Variants in TBC1D9 observed in about 807,000 individuals in gnomAD.
TBC1D9 encodes the protein TBC1 domain family member 9A.
In TBC1D9, 63 loss-of-function variants were observed where a neutral mutation model predicts 132.0. That is an observed-to-expected ratio of 0.48 (90% confidence interval 0.39 to 0.59). The LOEUF (loss-of-function observed/expected upper bound fraction) is 0.59, where lower values mean the gene tolerates loss of function less well. TBC1D9 is among the 20% of genes least tolerant of loss of function. The pLI, the probability that TBC1D9 is intolerant of heterozygous loss-of-function variation, is 0.00. For missense variants in TBC1D9, 1,261 were observed against 1,592.7 expected (o/e 0.79, Z 3.54); for synonymous variants, 610 against 609.9 (o/e 1.00, Z 0.00).
intron 1 of TBC1D9, among the ~76,000 whole-genome samples, chr4:140,746,246 A>C (rs1312343100): frequency 6.6e-6 from 1 of 152,198 alleles, no homozygotes; most frequent in African/African-American, 2.4e-5. Flanking sequence ...TTTCTGAGAG[A>C]ACAGCTTACT....
chr4:140,668,689 CG>C (rs1387832821), intron 9 of TBC1D9, among the ~76,000 whole-genome samples: 3 of 152,170 alleles, frequency 2.0e-5, no homozygotes, highest in Non-Finnish European at 4.4e-5. Flanking sequence ...TATAAAGACT[CG>C]AAGGATGGTG....
intron 13 of TBC1D9, chr4:140,645,417 G>T: frequency 2.2e-6 from 1 of 449,190 alleles, no homozygotes; most frequent in African/African-American, 2.0e-5. Context: ...GCATCCAAAT[G>T]CCTTGGCACT....
At chr4:140,643,530 G>T (rs1359239273) in intron 13 of TBC1D9, 15 of 873,114 alleles carry the variant, frequency 1.7e-5, no homozygotes, top group Non-Finnish European at 2.6e-5. Context: ...TCCCTCCCCG[G>T]CGGGCACGTC....
At chr4:140,704,831 G>GC (rs1738126573) in intron 1 of TBC1D9, among the ~76,000 whole-genome samples, 1 of 152,150 alleles carries the variant, frequency 6.6e-6, no homozygotes, top group Admixed American at 6.6e-5. Context: ...TTAAAGCAGA[G>GC]CCCCCTGGAG....
intron 1 of TBC1D9, among the ~76,000 whole-genome samples, chr4:140,718,447 A>C (rs953916508): frequency 6.6e-6 from 1 of 152,094 alleles, no homozygotes; most frequent in Non-Finnish European, 1.5e-5. Flanking sequence ...GAGCTACCCT[A>C]TATAATCCTC....
At chr4:140,655,096 T>A (rs1737244967) in intron 13 of TBC1D9, among the ~76,000 whole-genome samples, 1 of 152,126 alleles carries the variant, frequency 6.6e-6, no homozygotes, top group African/African-American at 2.4e-5. Flanking sequence ...AGAGCAAGTA[T>A]TTAGAAGGAC....
rs980861493 is a variant in TBC1D9, at chr4:140,627,610, A to T, written c.2813-83T>A. Reference sequence around the variant, plus strand: ...ATGCTTAATTATTAAATAAAATGACATAAGTGGGGATGAAAAGCTAAAGTT... The same window carrying T: ...ATGCTTAATTATTAAATAAAATGACTTAAGTGGGGATGAAAAGCTAAAGTT... On this transcript the variant is annotated intron_variant, in intron 17 of 20. Coordinates refer to ENST00000442267, the MANE Select transcript of TBC1D9 (RefSeq NM_015130.3). The T allele has an allele frequency of 1.1e-5, 10 of 910,328 alleles. No individual in the cohort carries two copies. The East Asian group carries it at 2.1e-4, about 19-fold the overall frequency. The allele number at this position is 910,328 out of a possible 1,614,324, so 56.4% of individuals were successfully genotyped here.
intron 1 of TBC1D9, among the ~76,000 whole-genome samples, chr4:140,724,435 G>A (rs939260861): frequency 6.6e-6 from 1 of 152,028 alleles, no homozygotes; most frequent in African/African-American, 2.4e-5. Flanking sequence ...GGTACACAGC[G>A]GCCATTTTCT....
intron 5 of TBC1D9, 117 bp downstream of exon 5, chr4:140,678,825 A>G (rs1737663144): frequency 7.8e-7 from 1 of 1,276,180 alleles, no homozygotes; most frequent in Admixed American, 2.2e-5. Flanking sequence ...TTTTGTATCT[A>G]TACACAGAAG....
At chr4:140,738,134 T>C (rs1413982387) in intron 1 of TBC1D9, among the ~76,000 whole-genome samples, 1 of 152,206 alleles carries the variant, frequency 6.6e-6, no homozygotes, top group Non-Finnish European at 1.5e-5. Context: ...ATCAACATGG[T>C]ATGTCAAACT....
intron 9 of TBC1D9, among the ~76,000 whole-genome samples, chr4:140,663,378 A>G (rs1336871913): frequency 6.6e-6 from 1 of 152,230 alleles, no homozygotes; most frequent in African/African-American, 2.4e-5. Context: ...GCTATGATAA[A>G]AAAGACAAAA....
At position 140,754,633 on chromosome 4, in the gene TBC1D9, A is replaced by G. The variant is rs1342080004; in HGVS notation, c.130+1283T>C. On this transcript the variant is annotated intron_variant, in intron 1 of 20. Transcript: ENST00000442267. ...CTGTCTCAAAAAAAAAAAAAAAAAA[A>G]AAAAAAAAAAGGACAATGTGGGCTG... Among the ~76,000 whole-genome samples the G allele has an allele frequency of 3.3e-5, 5 of 150,006 alleles. No individual in the cohort carries two copies. In the East Asian group the frequency reaches 9.7e-4, roughly 29 times the overall value.
At chr4:140,698,178 C>A (rs754364276) in intron 2 of TBC1D9, among the ~76,000 whole-genome samples, 1 of 152,182 alleles carries the variant, frequency 6.6e-6, no homozygotes, top group Non-Finnish European at 1.5e-5. Context: ...TTCACTTCTA[C>A]GGGCTCCCTC....
At chr4:140,748,408 A>G (rs1005610391) in intron 1 of TBC1D9, among the ~76,000 whole-genome samples, 1 of 152,118 alleles carries the variant, frequency 6.6e-6, no homozygotes, top group African/African-American at 2.4e-5. Context: ...AGAAAGAGAG[A>G]TGAGGGGATG....
At chr4:140,666,613 C>G (rs1737449479) in intron 9 of TBC1D9, among the ~76,000 whole-genome samples, 1 of 152,134 alleles carries the variant, frequency 6.6e-6, no homozygotes, top group African/African-American at 2.4e-5. Flanking sequence ...GCTGGGATTA[C>G]AGGCGTGAGC....
chr4:140,640,744 G>T (rs914303947), intron 13 of TBC1D9, among the ~76,000 whole-genome samples: 8 of 152,056 alleles, frequency 5.3e-5, no homozygotes, highest in African/African-American at 1.9e-4. Context: ...TAAAGATATA[G>T]TGCAACCAAA....
intron 1 of TBC1D9, among the ~76,000 whole-genome samples, chr4:140,740,223 A>ATGTATT (rs1285230285): frequency 6.6e-6 from 1 of 152,206 alleles, no homozygotes; most frequent in African/African-American, 2.4e-5. Flanking sequence ...TCCTAACACT[A>ATGTATT]TGTATTAGCC....
At chr4:140,736,022 T>C (rs991022165) in intron 1 of TBC1D9, among the ~76,000 whole-genome samples, 4 of 152,206 alleles carry the variant, frequency 2.6e-5, no homozygotes, top group African/African-American at 7.2e-5. Flanking sequence ...GAAACTGGAA[T>C]GATACTGACA....
chr4:140,632,131 T>G (rs769719622), intron 16 of TBC1D9, among the ~76,000 whole-genome samples: 24 of 152,224 alleles, frequency 1.6e-4, no homozygotes, highest in Non-Finnish European at 2.9e-4. Flanking sequence ...TTTTCCTTCT[T>G]GAAGATTTTC....
Sources: allele counts gnomAD v4.1 joint callset (sites outside exome capture counted in the v4.1 genomes callset), GRCh38; gene constraint gnomAD v4.1.1; transcripts MANE v1.5; gene names NCBI Gene and HGNC (gene_info 2026-07-23, HGNC 2026-07-21).